CTNNA2: variants seen among roughly 807,000 people sequenced by gnomAD.
CTNNA2 encodes catenin alpha-2.
In CTNNA2, 42 loss-of-function variants were observed where a neutral mutation model predicts 101.0. The observed-to-expected ratio is 0.42, with a 90% confidence interval of 0.32 to 0.54. The LOEUF (loss-of-function observed/expected upper bound fraction) is 0.54. CTNNA2 is among the 20% of genes least tolerant of loss of function. The pLI, the probability that CTNNA2 is intolerant of heterozygous loss-of-function variation, is 0.14. For missense variants in CTNNA2, 871 were observed against 1,223.1 expected (o/e 0.71, Z 4.29); for synonymous variants, 450 against 456.4 (o/e 0.99, Z 0.18).
At chr2:79,189,585 A>G (rs1453460326) in intron 1 of CTNNA2, among the ~76,000 whole-genome samples, 1 of 152,228 alleles carries the variant, frequency 6.6e-6, no homozygotes, top group Non-Finnish European at 1.5e-5. Context: ...CAGCTGAAGC[A>G]AAAGGCAGGA....
rs376247553 is a variant in CTNNA2, at chr2:80,484,978, C to A, written c.1291-60004C>A. 5.9e-5 allele frequency among the ~76,000 whole-genome samples: 9 copies of A among 152,088 alleles called. No homozygotes were observed. In the East Asian group the frequency reaches 1.6e-3, roughly 26 times the overall value. On this transcript the variant is annotated intron_variant, in intron 9 of 18. Transcript: ENST00000402739. ...CCGAGACTGTGCCACTGCATTCCAG[C>A]CTGTGTGACAGAGCGAGACTCCGTC...
chr2:79,794,143 A>G (rs1675509070), intron 3 of CTNNA2, among the ~76,000 whole-genome samples: 1 of 152,272 alleles, frequency 6.6e-6, no homozygotes, highest in East Asian at 1.9e-4. Flanking sequence ...ATAAAAAAAT[A>G]AAAAATAAAA....
intron 7 of CTNNA2, among the ~76,000 whole-genome samples, chr2:80,340,528 A>G (rs901974937): frequency 2.6e-5 from 4 of 152,186 alleles, no homozygotes; most frequent in African/African-American, 9.7e-5. Context: ...TTCCCATTTT[A>G]TCTCTCATGA....
chr2:79,494,538 G>A (rs1407191668), intron 4 of CTNNA2, among the ~76,000 whole-genome samples: 1 of 152,142 alleles, frequency 6.6e-6, no homozygotes, highest in Non-Finnish European at 1.5e-5. Flanking sequence ...TTCCATGAAA[G>A]TGTCGAGAAA....
At chr2:79,203,574 AG>A (rs1674064401) in intron 2 of CTNNA2, among the ~76,000 whole-genome samples, 1 of 152,218 alleles carries the variant, frequency 6.6e-6, no homozygotes, top group African/African-American at 2.4e-5. Context: ...GACAATGAAC[AG>A]GCTCTGGAAC....
At position 79,195,871 on chromosome 2, in the gene CTNNA2, G is replaced by A. The variant is rs753143027; in HGVS notation, c.-523-2088G>A. ...AGTTCTAGACCTTCAAATATAAAAGGTAAATAAGAAATTAGGGGGCAGAGG... is the reference window on the plus strand; with the variant it reads ...AGTTCTAGACCTTCAAATATAAAAGATAAATAAGAAATTAGGGGGCAGAGG... On this transcript the variant is annotated intron_variant, in intron 1 of 21. Transcript: ENST00000466387. 2 of 506,744 alleles carry A rather than the reference G, an allele frequency of 3.9e-6. 1 individual carries two copies. Among genetic ancestry groups the A allele is most frequent in the South Asian group, 2.9e-5 (2 of 69,136 alleles). 31.4% of individuals were successfully genotyped at this position (506,744 alleles called of 1,614,324 possible).
intron 7 of CTNNA2, among the ~76,000 whole-genome samples, chr2:80,241,524 G>C (rs1670939882): frequency 6.6e-6 from 1 of 151,772 alleles, no homozygotes; most frequent in Non-Finnish European, 1.5e-5. Context: ...TTACATTCCT[G>C]TATATAAAAT....
intron 7 of CTNNA2, among the ~76,000 whole-genome samples, chr2:80,307,163 A>C (rs2149219460): frequency 6.6e-6 from 1 of 151,678 alleles, no homozygotes; most frequent in South Asian, 2.1e-4. Flanking sequence ...TAATGTGGCA[A>C]GTTTGCATCT....
chr2:80,521,485 C>T (rs1258064545), intron 9 of CTNNA2, among the ~76,000 whole-genome samples: 2 of 152,186 alleles, frequency 1.3e-5, no homozygotes, highest in African/African-American at 4.8e-5. Flanking sequence ...TTAAGATTTA[C>T]TAATCAGCTG....
chr2:80,355,446 A>G (rs1424459929), intron 7 of CTNNA2, among the ~76,000 whole-genome samples: 1 of 152,162 alleles, frequency 6.6e-6, no homozygotes, highest in Non-Finnish European at 1.5e-5. Flanking sequence ...GATGAGAGCT[A>G]CATTCTAAGG....
chr2:79,186,471 G>A (rs1350066114), intron 1 of CTNNA2, among the ~76,000 whole-genome samples: 1 of 152,202 alleles, frequency 6.6e-6, no homozygotes. Flanking sequence ...TTATGTGATA[G>A]TTTCTGAGTT....
At chr2:80,118,938 G>A (rs1165338513) in intron 7 of CTNNA2, among the ~76,000 whole-genome samples, 2 of 152,224 alleles carry the variant, frequency 1.3e-5, no homozygotes, top group African/African-American at 4.8e-5. Context: ...CTTCTGTCTT[G>A]TATTGTCTAC....
At chr2:79,911,937 A>G (rs73938416) in intron 7 of CTNNA2, among the ~76,000 whole-genome samples, 1,987 of 152,318 alleles carry the variant, frequency 0.013, 54 homozygotes, top group African/African-American at 0.045. Flanking sequence ...TTGATATAGC[A>G]TGTATGAATA....
intron 7 of CTNNA2, among the ~76,000 whole-genome samples, chr2:80,135,276 G>A (rs568654536): frequency 6.6e-6 from 1 of 152,276 alleles, no homozygotes; most frequent in Non-Finnish European, 1.5e-5. Context: ...TGGCAGGAAG[G>A]CCTGACAAAT....
chr2:79,608,421 T>A (rs1678041969), intron 1 of CTNNA2, among the ~76,000 whole-genome samples: 1 of 152,026 alleles, frequency 6.6e-6, no homozygotes, highest in Non-Finnish European at 1.5e-5. Flanking sequence ...ATGGCCAGCA[T>A]TACCTGATGC....
chr2:80,094,668 C>G (rs572444486), intron 7 of CTNNA2, among the ~76,000 whole-genome samples: 10 of 152,152 alleles, frequency 6.6e-5, no homozygotes, highest in African/African-American at 2.2e-4. Context: ...TGTTTGTATC[C>G]TCTTTTATTT....
At chr2:79,939,826 C>G (rs1368988439) in intron 7 of CTNNA2, among the ~76,000 whole-genome samples, 2 of 151,958 alleles carry the variant, frequency 1.3e-5, no homozygotes, top group African/African-American at 4.8e-5. Flanking sequence ...GGCATGGTGA[C>G]TCATGCCTGT....
At chr2:80,633,789 T>C (rs1172416967) in intron 18 of CTNNA2, among the ~76,000 whole-genome samples, 1 of 152,188 alleles carries the variant, frequency 6.6e-6, no homozygotes, top group Non-Finnish European at 1.5e-5. Flanking sequence ...GCAAACATAA[T>C]TCTGTGCCTC....
chr2:79,229,465 G>A (rs544764878), intron 2 of CTNNA2, among the ~76,000 whole-genome samples: 6 of 152,124 alleles, frequency 3.9e-5, no homozygotes, highest in Non-Finnish European at 8.8e-5. Flanking sequence ...CACCATATAA[G>A]AAGTGCCCTC....
Sources: gnomAD v4.1 joint callset for allele counts (sites outside exome capture counted in the v4.1 genomes callset) on GRCh38, gnomAD v4.1.1 for gene constraint, MANE v1.5 for transcripts, NCBI Gene and HGNC (gene_info 2026-07-23, HGNC 2026-07-21) for gene names.